Variants in PXDNL observed in about 807,000 individuals in gnomAD.
PXDNL encodes probable oxidoreductase PXDNL.
Under a neutral mutation model 150.8 loss-of-function variants are expected in PXDNL, and 145 were observed. The ratio of observed to expected loss-of-function variants is 0.96; its 90% CI spans 0.84 to 1.10. The LOEUF (loss-of-function observed/expected upper bound fraction) is 1.10, where lower values mean the gene tolerates loss of function less well. Ranked by LOEUF, PXDNL falls within the 50% of genes least tolerant of loss-of-function variation. The pLI is 0.00. For synonymous variants in PXDNL, 757 were observed against 725.7 expected (o/e 1.04, Z -0.69); for missense variants, 2,087 against 1,873.9 (o/e 1.11, Z -2.10).
chr8:51,582,370 G>T (rs568014032), intron 3 of PXDNL, among the ~76,000 whole-genome samples: 53 of 152,178 alleles, frequency 3.5e-4, no homozygotes, highest in Middle Eastern at 3.4e-3. Flanking sequence ...ATGGTATTTT[G>T]TTATGGTATC....
chr8:51,765,707 AAAGAT>A (rs1332416972), intron 1 of PXDNL, among the ~76,000 whole-genome samples: 56 of 152,168 alleles, frequency 3.7e-4, no homozygotes, highest in African/African-American at 1.3e-3. Flanking sequence ...TATTATAAAT[AAAGAT>A]AAGGTGGGAT....
intron 17 of PXDNL, among the ~76,000 whole-genome samples, chr8:51,395,045 G>T (rs1808037615): frequency 6.6e-6 from 1 of 152,124 alleles, no homozygotes; most frequent in South Asian, 2.1e-4. Context: ...ATGTGTCATG[G>T]GTCTGTATTT....
At position 51,608,045 on chromosome 8, in the gene PXDNL, GAA is replaced by G. The variant is rs1226544568; in HGVS notation, c.237-15349_237-15348del. The stretch of plus-strand genomic sequence containing the variant: ...AGAAAGAAAGAAAGAAAGAAAGAAA[GAA>G]AGAAAGAAAGCAAGCAAGCAAGCAA... On this transcript the variant is annotated intron_variant, in intron 2 of 22. Transcript: ENST00000356297. Among the ~76,000 whole-genome samples the G allele has an allele frequency of 4.2e-5, 5 of 118,880 alleles. No individual in the cohort carries two copies. The East Asian group carries it at 9.0e-4, about 21-fold the overall frequency. 78.0% of individuals were successfully genotyped at this position (118,880 alleles called of 152,430 possible).
chr8:51,365,775 G>C (rs1197990125), intron 19 of PXDNL, among the ~76,000 whole-genome samples: 1 of 152,180 alleles, frequency 6.6e-6, no homozygotes, highest in African/African-American at 2.4e-5. Context: ...TTGGTCACAT[G>C]CTCACCTAAG....
chr8:51,319,925 C>T lies in PXDNL; in HGVS notation c.4358G>A (p.Arg1453Gln), dbSNP rs914252016. ...KGTCCPVCRDRGMPSDSPEKR is the reference protein window; with the variant it reads ...KGTCCPVCRDQGMPSDSPEKR ...CTCTGGGGAATCACTTGGCATTCCT[C>T]GGTCTCTGCAAACTGGACAGCAGGT... The change falls in exon 23 of 23, where the codon CGA (arginine) becomes CAA (glutamine). Residue 1453 changes from arginine (R) to glutamine (Q), a missense_variant. By Grantham distance (43) the Arg-to-Gln change is conservative (BLOSUM62 1). Coordinates refer to ENST00000356297, the MANE Select transcript of PXDNL (RefSeq NM_144651.5). The T allele has an allele frequency of 3.8e-6, 6 of 1,559,066 alleles. No homozygotes were observed. Among genetic ancestry groups the T allele is most frequent in the African/African-American group, 1.4e-5 (1 of 72,258 alleles).
chr8:51,534,877 C>T (rs1812028584), intron 4 of PXDNL, among the ~76,000 whole-genome samples: 1 of 110,824 alleles, frequency 9.0e-6, no homozygotes, highest in Non-Finnish European at 1.7e-5. Flanking sequence ...CCAGCCGCCC[C>T]GTCCGGGAGG....
chr8:51,384,406 T>C (rs1807638921), intron 17 of PXDNL, among the ~76,000 whole-genome samples: 1 of 152,142 alleles, frequency 6.6e-6, no homozygotes, highest in South Asian at 2.1e-4. Flanking sequence ...GGTTAATTTG[T>C]CATTAACAAC....
intron 1 of PXDNL, among the ~76,000 whole-genome samples, chr8:51,747,567 C>A (rs1345574528): frequency 6.6e-6 from 1 of 152,276 alleles, no homozygotes; most frequent in East Asian, 1.9e-4. Flanking sequence ...TGCCAAGGAG[C>A]GGTCCAAGTT....
At chr8:51,641,010 T>C (rs970379177) in intron 2 of PXDNL, among the ~76,000 whole-genome samples, 1 of 152,020 alleles carries the variant, frequency 6.6e-6, no homozygotes, top group Non-Finnish European at 1.5e-5. Flanking sequence ...AACAGAGATA[T>C]AGATCAATGG....
chr8:51,659,158 T>C (rs182615876), intron 1 of PXDNL, among the ~76,000 whole-genome samples: 61 of 152,316 alleles, frequency 4.0e-4, no homozygotes, highest in African/African-American at 1.4e-3. Flanking sequence ...CTTCATCCCA[T>C]TGTAATATAA....
chr8:51,577,563 TTA>T (rs199600480), intron 3 of PXDNL, among the ~76,000 whole-genome samples: 3 of 143,588 alleles, frequency 2.1e-5, no homozygotes, highest in Non-Finnish European at 4.5e-5. Context: ...TACATATATT[TTA>T]TATATATATA....
intron 18 of PXDNL, among the ~76,000 whole-genome samples, chr8:51,372,650 G>T (rs1296786038): frequency 6.6e-6 from 1 of 152,230 alleles, no homozygotes; most frequent in Non-Finnish European, 1.5e-5. Context: ...CTCCCAAACT[G>T]TTGGGATTAC....
rs547244391 is a variant in PXDNL, at chr8:51,701,122, T to C, written c.165-46362A>G. Among the ~76,000 whole-genome samples, 10 of 152,260 alleles carry C rather than the reference T, an allele frequency of 6.6e-5. No individual in the cohort carries two copies. The East Asian group carries it at 1.9e-3, about 29-fold the overall frequency. On this transcript the variant is annotated intron_variant, in intron 1 of 22. Transcript: ENST00000356297. ...AACATTGTCTTTTTTTTCTCAAAATTGTATGATTACAAGTACATTCAGGAT... is the reference window on the plus strand; with the variant it reads ...AACATTGTCTTTTTTTTCTCAAAATCGTATGATTACAAGTACATTCAGGAT...
chr8:51,614,021 C>G (rs958733457), intron 2 of PXDNL, among the ~76,000 whole-genome samples: 4 of 152,168 alleles, frequency 2.6e-5, no homozygotes, highest in African/African-American at 9.7e-5. Flanking sequence ...GCATTAGCCT[C>G]CCTCCCACCT....
At chr8:51,359,812 A>G (rs999678050) in intron 19 of PXDNL, among the ~76,000 whole-genome samples, 1 of 152,098 alleles carries the variant, frequency 6.6e-6, no homozygotes, top group South Asian at 2.1e-4. Context: ...CCAGACTGGC[A>G]CCTATCGCAC....
chr8:51,551,253 C>T (rs948668238), intron 4 of PXDNL, among the ~76,000 whole-genome samples: 3 of 152,068 alleles, frequency 2.0e-5, no homozygotes, highest in African/African-American at 7.2e-5. Flanking sequence ...ACCATACTGC[C>T]AAAAGCAATC....
intron 6 of PXDNL, among the ~76,000 whole-genome samples, chr8:51,476,144 C>A (rs1036438350): frequency 1.3e-5 from 2 of 152,110 alleles, no homozygotes; most frequent in African/African-American, 4.8e-5. Context: ...TGAAGTGTTC[C>A]AGTTTGCTTT....
In PXDNL at chr8:51,474,869, G is replaced by GT. The variant is rs1188704649; in HGVS notation, c.694+102_694+103insA. On this transcript the variant is annotated intron_variant, in intron 7 of 22. Coordinates refer to ENST00000356297, the MANE Select transcript of PXDNL (RefSeq NM_144651.5). ...ACCACATTCCTTAAAAACACTTTCTGATAACACGTTCTTCTAAAATGCAAT... is the reference window on the plus strand; with the variant it reads ...ACCACATTCCTTAAAAACACTTTCTGTATAACACGTTCTTCTAAAATGCAAT... 9.2e-6 allele frequency: 9 copies of GT among 977,346 alleles called. No homozygotes were observed. In the African/African-American group the frequency reaches 1.5e-4, roughly 16 times the overall value. 60.5% of individuals were successfully genotyped at this position (977,346 alleles called of 1,614,324 possible).
intron 4 of PXDNL, among the ~76,000 whole-genome samples, chr8:51,522,848 C>A (rs572274379): frequency 1.5e-4 from 22 of 150,020 alleles, no homozygotes; most frequent in African/African-American, 4.9e-4. Flanking sequence ...CATCTCAAAA[C>A]AAAAACAAAA....
Sources: gnomAD v4.1 joint callset for allele counts (sites outside exome capture counted in the v4.1 genomes callset) on GRCh38, gnomAD v4.1.1 for gene constraint, MANE v1.5 for transcripts, NCBI Gene and HGNC (gene_info 2026-07-23, HGNC 2026-07-21) for gene names.